Variants in HTR3A observed in about 807,000 individuals in gnomAD.
The protein encoded by HTR3A is 5-hydroxytryptamine receptor 3A.
In HTR3A, 45 loss-of-function variants were observed where a neutral mutation model predicts 54.8. That is an observed-to-expected ratio of 0.82 (90% CI 0.65 to 1.05). The LOEUF (loss-of-function observed/expected upper bound fraction) is 1.05. Ranked by LOEUF, HTR3A falls within the 50% of genes least tolerant of loss-of-function variation. The pLI is 0.00. For synonymous variants in HTR3A, 297 were observed against 256.0 expected (o/e 1.16, Z -1.53); for missense variants, 657 against 614.0 (o/e 1.07, Z -0.74).
At chr11:113,987,158 TC>T in intron 8 of HTR3A, 112 bp downstream of exon 8, 1 of 1,135,104 alleles carries the variant, frequency 8.8e-7, no homozygotes, top group Non-Finnish European at 1.3e-6. Flanking sequence ...GCACATGGCA[TC>T]CCATGCCCTG....
intron 1 of HTR3A, among the ~76,000 whole-genome samples, chr11:113,975,611 G>A (rs765861995): frequency 3.3e-5 from 5 of 152,310 alleles, no homozygotes; most frequent in African/African-American, 9.6e-5. Context: ...GGGCAAGAGC[G>A]GAGCTTGCAA....
chr11:113,980,429 G>C (rs1950407526), intron 3 of HTR3A, among the ~76,000 whole-genome samples: 1 of 152,236 alleles, frequency 6.6e-6, no homozygotes, highest in Non-Finnish European at 1.5e-5. Flanking sequence ...GCACAGAGGA[G>C]ACGCATGTCA....
intron 1 of HTR3A, 39 bp from the exon 2 acceptor site, chr11:113,977,731 TG>T (rs768993786): frequency 6.2e-7 from 1 of 1,608,026 alleles, no homozygotes; most frequent in South Asian, 1.1e-5. Context: ...GGGGAAGTCT[TG>T]GGGGGCTGGT....
In HTR3A at chr11:113,981,274, G is replaced by A. The variant is rs139883280; in HGVS notation, c.336G>A (p.Thr112=). The stretch of plus-strand genomic sequence containing the variant: ...ACATCACCAAGTTGTCCATCCCCAC[G>A]GACAGCATCTGGGTCCCGGACATTC... ...FDNITKLSIP[T]DSIWVPDILI... Residue 112 remains threonine (T), a synonymous_variant, in exon 4 of 9, where the codon ACG becomes ACA. Transcript: ENST00000504030. 3.8e-5 allele frequency: 61 copies of A among 1,613,576 alleles called. No individual in the cohort carries two copies. The highest frequency in any genetic ancestry group is 4.9e-5 in the Non-Finnish European group (58 of 1,179,592).
At chr11:113,983,316 G>A (rs769394972) in intron 5 of HTR3A, 27 bp downstream of exon 5, 1 of 1,612,736 alleles carries the variant, frequency 6.2e-7, no homozygotes, top group South Asian at 1.1e-5. Flanking sequence ...CGCCGGGACA[G>A]GGGTGGAGGT....
chr11:113,979,104 C>T (rs1950389634), intron 2 of HTR3A, 129 bp from the exon 3 acceptor site: 1 of 764,550 alleles, frequency 1.3e-6, no homozygotes, highest in Non-Finnish European at 2.3e-6. Flanking sequence ...CCGACCCCGG[C>T]CCCTGCTCTT....
chr11:113,985,996 T>A lies in HTR3A; in HGVS notation c.545-19T>A. Reference sequence around the variant, plus strand: ...CTGGGTACTAGATTCCAAAGCTGGCTTGCTTTATTCTCTCTCAGTCCAGGA... The same window carrying A: ...CTGGGTACTAGATTCCAAAGCTGGCATGCTTTATTCTCTCTCAGTCCAGGA... On this transcript the variant is annotated intron_variant, in intron 5 of 8. Transcript: ENST00000504030. 6.2e-7 allele frequency: 1 copy of A among 1,614,056 alleles called. No individual in the cohort carries two copies. The highest frequency in any genetic ancestry group is 8.5e-7 in the Non-Finnish European group (1 of 1,179,956).
At chr11:113,988,222 C>G (rs994848355) in intron 8 of HTR3A, among the ~76,000 whole-genome samples, 20 of 152,238 alleles carry the variant, frequency 1.3e-4, no homozygotes, top group African/African-American at 4.1e-4. Context: ...AGCCTACTGC[C>G]TAATTTACCT....
chr11:113,981,950 G>A (rs1436439491), intron 4 of HTR3A, among the ~76,000 whole-genome samples: 1 of 150,808 alleles, frequency 6.6e-6, no homozygotes, highest in East Asian at 1.9e-4. Flanking sequence ...GACACAGCAA[G>A]ACTCTGTCTC....
rs555935311 is a variant in HTR3A at position 113,985,733 on chromosome 11, A to G, written c.545-282A>G. Reference sequence around the variant, plus strand: ...TGTGTGTTTGTGTGTGTGTGTGTGAAGGAGAGAGAGCGCTTTCTAATGAAT... The same window carrying G: ...TGTGTGTTTGTGTGTGTGTGTGTGAGGGAGAGAGAGCGCTTTCTAATGAAT... On this transcript the variant is annotated intron_variant, in intron 5 of 8. Coordinates refer to ENST00000504030, the MANE Select transcript of HTR3A (RefSeq NM_000869.6). Among the ~76,000 whole-genome samples the G allele has an allele frequency of 9.9e-5, 15 of 151,598 alleles. No homozygotes were observed. The East Asian group carries it at 2.7e-3, about 27-fold the overall frequency.
rs1417395914 is a variant in HTR3A, at chr11:113,986,253, ACTT to A, written c.705+81_705+83del. On this transcript the variant is annotated intron_variant, in intron 6 of 8. Transcript: ENST00000504030. ...AGACTTAAGGAGGCATACTGGGAGA[ACTT>A]CTATAGCCTTTTTCCAACCCCAGGG... 24 of 1,564,596 alleles carry A rather than the reference ACTT, an allele frequency of 1.5e-5. No homozygotes were observed. In the East Asian group the frequency reaches 1.8e-4, roughly 12 times the overall value.
At chr11:113,976,588 TGTG>T (rs1950353864) in intron 1 of HTR3A, among the ~76,000 whole-genome samples, 1 of 147,682 alleles carries the variant, frequency 6.8e-6, no homozygotes, top group African/African-American at 2.5e-5. Context: ...TGTGTGTGTG[TGTG>T]TGTGTGTGTG....
intron 8 of HTR3A, among the ~76,000 whole-genome samples, chr11:113,988,100 C>T (rs1215812538): frequency 5.9e-5 from 9 of 152,248 alleles, no homozygotes; most frequent in African/African-American, 2.2e-4. Flanking sequence ...TCTAACCACT[C>T]CTCTCCACTC....
Position 113,986,115 on chromosome 11 carries a change from G to A in HTR3A, c.645G>A (p.Leu215=), listed in dbSNP as rs755345643. ...NQGEWELLGV[L]PYFREFSMES... The stretch of plus-strand genomic sequence containing the variant: ...GAGAGTGGGAGTTGCTGGGGGTGCT[G>A]CCCTACTTTCGGGAGTTCAGCATGG... The change falls in exon 6 of 9, where the codon CTG becomes CTA. Residue 215 remains leucine (L), a synonymous_variant. Coordinates refer to ENST00000504030, the MANE Select transcript of HTR3A (RefSeq NM_000869.6). 4 of 1,614,182 alleles carry A rather than the reference G, an allele frequency of 2.5e-6. No homozygotes were observed. The highest frequency in any genetic ancestry group is 2.5e-6 in the Non-Finnish European group (3 of 1,180,038).
rs754427161 is a variant in HTR3A at position 113,986,606 on chromosome 11, A to G, written c.794A>G (p.Tyr265Cys). ...ATGGTCATGGACATCGTGGGCTTCTACCTGCCCCCCAACAGTGGCGAGAGG... is the reference window on the plus strand; with the variant it reads ...ATGGTCATGGACATCGTGGGCTTCTGCCTGCCCCCCAACAGTGGCGAGAGG... ...FLMVMDIVGFYLPPNSGERVS... is the reference protein window; with the variant it reads ...FLMVMDIVGFCLPPNSGERVS... The change falls in exon 7 of 9, where the codon TAC (tyrosine) becomes TGC (cysteine). Residue 265 changes from tyrosine to cysteine, a missense_variant. Physicochemically the swap from Tyr to Cys is radical, Grantham distance 194. Transcript: ENST00000504030. The G allele has an allele frequency of 6.2e-7, 1 of 1,613,604 alleles. No homozygotes were observed. Among genetic ancestry groups the G allele is most frequent in the East Asian group, 2.2e-5 (1 of 44,856 alleles).
At position 113,990,109 on chromosome 11, in the gene HTR3A, T is replaced by G. The variant is rs1481608257; in HGVS notation, c.*346T>G. 4.6e-5 allele frequency: 23 copies of G among 495,270 alleles called. No homozygotes were observed. The Admixed American group carries it at 5.3e-4, about 11-fold the overall frequency. 30.7% of individuals were successfully genotyped at this position (495,270 alleles called of 1,614,324 possible). A position where few individuals can be genotyped will look rare whatever the true frequency, so the allele number is the denominator to read the frequency against. On this transcript the variant is annotated 3_prime_UTR_variant, in exon 9 of 9. Transcript: ENST00000504030. The stretch of plus-strand genomic sequence containing the variant: ...TGACCCTCACCTGAATAAGGGACTT[T>G]GGAATTCTGCTTCTCTTTCACAACT...
rs778252326 is a variant in HTR3A at position 113,981,068 on chromosome 11, G to A, written c.265-135G>A. 2.6e-5 allele frequency: 18 copies of A among 688,270 alleles called. 1 individual carries two copies. Among genetic ancestry groups the A allele is most frequent in the East Asian group, 5.4e-5 (2 of 36,866 alleles). 42.6% of individuals were successfully genotyped at this position (688,270 alleles called of 1,614,324 possible). On this transcript the variant is annotated intron_variant, in intron 3 of 8. Coordinates refer to ENST00000504030, the MANE Select transcript of HTR3A (RefSeq NM_000869.6). ...TCAGTTACTGCTGAGGGAATTGGGC[G>A]CCACTGACACCAGCTTCTCCCAGGA... is the stretch of plus-strand genomic sequence containing the variant.
In HTR3A at chr11:113,977,776, A is replaced by G. The variant is rs747808899; in HGVS notation, c.73A>G (p.Arg25Gly). 6.2e-7 allele frequency: 1 copy of G among 1,614,078 alleles called. No individual in the cohort carries two copies. The highest frequency in any genetic ancestry group is 8.5e-7 in the Non-Finnish European group (1 of 1,180,018). ...TGAACTGTTCTCCTTCCCAGCCAGG[A>G]GGAGCCGAAACACCACCAGGCCCGC... ...PTLLAQGEAR[R>G]SRNTTRPALL... Residue 25 changes from arginine to glycine, a missense_variant, in exon 2 of 9, where the codon AGG becomes GGG. Transcript: ENST00000504030.
At chr11:113,979,179 G>A (rs922998037) in intron 2 of HTR3A, 54 bp from the exon 3 acceptor site, 3 of 1,368,464 alleles carry the variant, frequency 2.2e-6, no homozygotes, top group Admixed American at 1.7e-5. Context: ...GGCATGTGCA[G>A]GGTGGCCCTC....
Sources: gnomAD v4.1 joint callset for allele counts (sites outside exome capture counted in the v4.1 genomes callset) on GRCh38, gnomAD v4.1.1 for gene constraint, MANE v1.5 for transcripts, NCBI Gene and HGNC (gene_info 2026-07-23, HGNC 2026-07-21) for gene names.